Variants in PRSS35 observed in about 807,000 individuals in gnomAD.
The protein encoded by PRSS35 is inactive serine protease 35.
PRSS35 carries 7 observed loss-of-function variants against 8.1 expected under a neutral mutation model. That is an observed-to-expected ratio of 0.86 (90% confidence interval 0.49 to 1.62). PRSS35 has a LOEUF of 1.62. Among genes scored for constraint, PRSS35 ranks in the 40% most tolerant of loss-of-function variants. The pLI, the probability that PRSS35 is intolerant of heterozygous loss-of-function variation, is 0.00. For synonymous variants in PRSS35, 199 were observed against 188.7 expected (o/e 1.05, Z -0.45); for missense variants, 566 against 518.0 (o/e 1.09, Z -0.90).
At chr6:83,523,244 G>C (rs1345896875) in intron 1 of PRSS35, among the ~76,000 whole-genome samples, 178 bp from the exon 2 acceptor site, 1 of 152,142 alleles carries the variant, frequency 6.6e-6, no homozygotes, top group Non-Finnish European at 1.5e-5. Flanking sequence ...ACTGATTTTG[G>C]AAGTCTGTGT....
intron 1 of PRSS35, among the ~76,000 whole-genome samples, chr6:83,522,376 A>G (rs537259042): frequency 1.3e-5 from 2 of 152,282 alleles, no homozygotes; most frequent in Admixed American, 1.3e-4. Flanking sequence ...AAATAGATAC[A>G]TGTACATGCC....
In PRSS35 at chr6:83,524,489, G is replaced by T. The variant is rs1469949398; in HGVS notation, c.1048G>T (p.Val350Phe). The T allele has an allele frequency of 1.2e-6, 2 of 1,614,070 alleles. No homozygotes were observed. Among genetic ancestry groups the T allele is most frequent in the East Asian group, 2.2e-5 (1 of 44,892 alleles). ...DAESGSTGSGVYLRLKDPDKK... is the reference protein window; with the variant it reads ...DAESGSTGSGFYLRLKDPDKK... ...TGAGTCGGGCTCCACCGGTTCGGGG[G>T]TCTATCTGCGTCTGAAAGATCCAGA... The change falls in exon 2 of 2, where the codon GTC (valine) becomes TTC (phenylalanine). Residue 350 changes from valine (V) to phenylalanine (F), a missense_variant. Val to Phe is a conservative substitution (Grantham distance 50). Coordinates refer to ENST00000369700, the MANE Select transcript of PRSS35 (RefSeq NM_153362.3).
intron 1 of PRSS35, among the ~76,000 whole-genome samples, chr6:83,515,718 G>A (rs1010851411): frequency 1.3e-5 from 2 of 152,212 alleles, no homozygotes; most frequent in African/African-American, 2.4e-5. Context: ...CTGGACTCAA[G>A]TGATCCTCCC....
At position 83,524,092 on chromosome 6, in the gene PRSS35, G is replaced by C. The variant is rs139270767; in HGVS notation, c.651G>C (p.Glu217Asp). The C allele has an allele frequency of 1.9e-6, 3 of 1,613,876 alleles. No homozygotes were observed. The highest frequency in any genetic ancestry group is 2.5e-6 in the Non-Finnish European group (3 of 1,179,922). Residue 217 changes from glutamate to aspartate, a missense_variant, in exon 2 of 2, where the codon GAG becomes GAC. Physicochemically the swap from Glu to Asp is conservative, Grantham distance 45. Coordinates refer to ENST00000369700, the MANE Select transcript of PRSS35 (RefSeq NM_153362.3). The stretch of plus-strand genomic sequence containing the variant: ...AAGCTAGTGGTGGTGACCAAAGAGA[G>C]GGTACCAGAGAGCATCTGCGGGAGA... ...RREASGGDQR[E>D]GTREHLRERA...
At chr6:83,520,647 C>T (rs111598531) in intron 1 of PRSS35, among the ~76,000 whole-genome samples, 2 of 152,238 alleles carry the variant, frequency 1.3e-5, no homozygotes, top group East Asian at 3.9e-4. Flanking sequence ...TTGCTTTGTA[C>T]CAAGCCAGGT....
intron 1 of PRSS35, among the ~76,000 whole-genome samples, chr6:83,522,172 G>A (rs565166071): frequency 5.3e-5 from 8 of 152,296 alleles, no homozygotes; most frequent in South Asian, 2.1e-4. Context: ...AGGGATAAGC[G>A]AATGCTGCAT....
In PRSS35 at chr6:83,525,018, CTCAGGG is replaced by C. The variant is rs1771912775; in HGVS notation, c.*338_*343del. ...CATGTGACTCCTTAATGGACTTATTCTCAGGGTCCTACTCTAAGAAGAATCTAATAG... is the reference window on the plus strand; with the variant it reads ...CATGTGACTCCTTAATGGACTTATTCTCCTACTCTAAGAAGAATCTAATAG... On this transcript the variant is annotated 3_prime_UTR_variant, in exon 2 of 2. Coordinates refer to ENST00000369700, the MANE Select transcript of PRSS35 (RefSeq NM_153362.3). 4.3e-6 allele frequency: 1 copy of C among 230,952 alleles called. No homozygotes were observed. Among genetic ancestry groups the C allele is most frequent in the African/African-American group, 2.3e-5 (1 of 43,492 alleles). The allele number at this position is 230,952 out of a possible 1,614,324, so 14.3% of individuals were successfully genotyped here. A position where few individuals can be genotyped will look rare whatever the true frequency, so the allele number is the denominator to read the frequency against.
In PRSS35 at chr6:83,524,074, T is replaced by G; in HGVS notation, c.633T>G (p.Ser211Arg). The G allele has an allele frequency of 6.2e-7, 1 of 1,613,930 alleles. No individual in the cohort carries two copies. The highest frequency in any genetic ancestry group is 2.2e-5 in the East Asian group (1 of 44,858). The change falls in exon 2 of 2, where the codon AGT becomes AGG. Residue 211 changes from serine (S) to arginine (R), a missense_variant. Ser to Arg is a moderately radical substitution (Grantham distance 110). Transcript: ENST00000369700. Reference sequence around the variant, plus strand: ...CTAAGAGGAGCAGGAGAGAAGCTAGTGGTGGTGACCAAAGAGAGGGTACCA... The same window carrying G: ...CTAAGAGGAGCAGGAGAGAAGCTAGGGGTGGTGACCAAAGAGAGGGTACCA... ...RGSKRSRREA[S>R]GGDQREGTRE... is the part of the protein sequence containing the mutation.
rs544542764 is a variant in PRSS35 at position 83,523,627 on chromosome 6, T to A, written c.186T>A (p.Cys62Ter). The A allele has an allele frequency of 9.3e-6, 15 of 1,614,198 alleles. No individual in the cohort carries two copies. In the Admixed American group the frequency reaches 1.3e-4, roughly 14 times the overall value. The change falls in exon 2 of 2, where the codon TGT (cysteine) becomes TGA (stop). Residue 62 changes from cysteine to a stop codon, truncating the protein, a stop_gained. Coordinates refer to ENST00000369700, the MANE Select transcript of PRSS35 (RefSeq NM_153362.3). LOFTEE classifies it low-confidence loss of function (END_TRUNC). ...ADAKMMVNTVCGIECQKELPT... is the reference protein window; with the variant it reads ...ADAKMMVNTV Reference sequence around the variant, plus strand: ...CTAAGATGATGGTAAATACAGTGTGTGGCATCGAATGCCAGAAAGAACTCC... The same window carrying A: ...CTAAGATGATGGTAAATACAGTGTGAGGCATCGAATGCCAGAAAGAACTCC...
At chr6:83,515,133 T>C (rs1771688468) in intron 1 of PRSS35, among the ~76,000 whole-genome samples, 1 of 152,174 alleles carries the variant, frequency 6.6e-6, no homozygotes. Context: ...CTGAGAAGCA[T>C]TGATGAGTAA....
intron 1 of PRSS35, among the ~76,000 whole-genome samples, chr6:83,513,683 C>G (rs1396795458): frequency 6.6e-6 from 1 of 152,052 alleles, no homozygotes; most frequent in Non-Finnish European, 1.5e-5. Context: ...TAGAGGAGTT[C>G]CTTTAGTGAG....
At position 83,523,925 on chromosome 6, in the gene PRSS35, C is replaced by A; in HGVS notation, c.484C>A (p.Gln162Lys). 8 of 1,614,172 alleles carry A rather than the reference C, an allele frequency of 5.0e-6. No individual in the cohort carries two copies. Among genetic ancestry groups the A allele is most frequent in the Non-Finnish European group, 5.9e-6 (7 of 1,180,038 alleles). The change falls in exon 2 of 2, where the codon CAG (glutamine) becomes AAG (lysine). Residue 162 changes from glutamine (Q) to lysine (K), a missense_variant. Transcript: ENST00000369700. ...CTGTAGTGGCATTCTCATTTCCCCT[C>A]AGCATGTTCTAACTGCTGCCCACTG... ...TGCSGILISP[Q>K]HVLTAAHCVH...
At chr6:83,513,175 A>G (rs1469126052) in intron 1 of PRSS35, among the ~76,000 whole-genome samples, 1 of 151,672 alleles carries the variant, frequency 6.6e-6, no homozygotes, top group Non-Finnish European at 1.5e-5. Context: ...GCTTTGAAAT[A>G]CTCTAGCTGA....
intron 1 of PRSS35, among the ~76,000 whole-genome samples, chr6:83,518,076 G>A (rs1771755848): frequency 6.6e-6 from 1 of 152,214 alleles, no homozygotes; most frequent in African/African-American, 2.4e-5. Context: ...ATTCAATGCA[G>A]GTCCTTCAAT....
chr6:83,524,396 C>T lies in PRSS35; in HGVS notation c.955C>T (p.Gln319Ter). 6.2e-7 allele frequency: 1 copy of T among 1,614,158 alleles called. No individual in the cohort carries two copies. The highest frequency in any genetic ancestry group is 8.5e-7 in the Non-Finnish European group (1 of 1,180,036). Residue 319 changes from glutamine to a stop codon, truncating the protein, a stop_gained, in exon 2 of 2, where the codon CAG becomes TAG. Coordinates refer to ENST00000369700, the MANE Select transcript of PRSS35 (RefSeq NM_153362.3). LOFTEE classifies it high-confidence loss of function. ...FSGFDNDRAD[Q>*]LVYRFCSVSD... The stretch of plus-strand genomic sequence containing the variant: ...AGGATTTGATAACGATAGGGCTGAT[C>T]AGTTGGTCTATCGGTTTTGCAGTGT...
intron 1 of PRSS35, among the ~76,000 whole-genome samples, chr6:83,513,837 A>G (rs1396559100): frequency 2.0e-5 from 3 of 151,902 alleles, no homozygotes; most frequent in Non-Finnish European, 4.4e-5. Flanking sequence ...ATTAGATGTT[A>G]AAATAAGCAA....
At chr6:83,522,972 A>G (rs1258438322) in intron 1 of PRSS35, among the ~76,000 whole-genome samples, 1 of 152,190 alleles carries the variant, frequency 6.6e-6, no homozygotes, top group Non-Finnish European at 1.5e-5. Flanking sequence ...AGAAGTTATG[A>G]TCCCTATTTT....
chr6:83,516,590 A>C (rs1174054707), intron 1 of PRSS35, among the ~76,000 whole-genome samples: 8 of 152,014 alleles, frequency 5.3e-5, no homozygotes, highest in Non-Finnish European at 2.9e-5. Context: ...AAAAAAAAAA[A>C]AAAAAGAAAT....
At chr6:83,522,303 C>T (rs1172467169) in intron 1 of PRSS35, among the ~76,000 whole-genome samples, 1 of 152,084 alleles carries the variant, frequency 6.6e-6, no homozygotes. Flanking sequence ...AAAATTGCTG[C>T]TCCAGCATGC....
Sources: gnomAD v4.1 joint callset for allele counts (sites outside exome capture counted in the v4.1 genomes callset) on GRCh38, gnomAD v4.1.1 for gene constraint, MANE v1.5 for transcripts, NCBI Gene and HGNC (gene_info 2026-07-23, HGNC 2026-07-21) for gene names.